The following GALNT17 variants were observed in gnomAD, a reference collection of about 807,000 sequenced individuals.
GALNT17 encodes the protein UDP-GalNAc:polypeptide N-acetylgalactosaminyltransferase-like 3.
GALNT17 carries 29 observed loss-of-function variants against 63.7 expected under a neutral mutation model. That is an observed-to-expected ratio of 0.46 (90% CI 0.34 to 0.62). The LOEUF (loss-of-function observed/expected upper bound fraction) is 0.62. GALNT17 is among the 20% of genes least tolerant of loss of function. The pLI is 0.01. For missense variants in GALNT17, 603 were observed against 799.6 expected (o/e 0.75, Z 2.97); for synonymous variants, 305 against 318.3 (o/e 0.96, Z 0.45).
chr7:71,417,574 T>C (rs74804101), intron 4 of GALNT17, among the ~76,000 whole-genome samples: 6,945 of 152,184 alleles, frequency 0.046, 562 homozygotes, highest in African/African-American at 0.16. Context: ...TGGGCTCCAC[T>C]CAGTCCCCTG....
chr7:71,362,545 A>G (rs914086785), intron 2 of GALNT17, among the ~76,000 whole-genome samples: 2 of 152,192 alleles, frequency 1.3e-5, no homozygotes, highest in Non-Finnish European at 2.9e-5. Context: ...AGATTAACAA[A>G]GAAATTCATT....
In GALNT17 at chr7:71,394,949, A is replaced by G. The variant is rs549105648; in HGVS notation, c.589+6548A>G. On this transcript the variant is annotated intron_variant, in intron 3 of 10. Transcript: ENST00000333538. ...AAACCTTGTCTCTACTAAAAATACAAAAATTAGCTGGGTGTGGTGGCACGT... is the reference window on the plus strand; with the variant it reads ...AAACCTTGTCTCTACTAAAAATACAGAAATTAGCTGGGTGTGGTGGCACGT... Among the ~76,000 whole-genome samples the G allele has an allele frequency of 2.0e-5, 3 of 152,094 alleles. No individual in the cohort carries two copies. In the South Asian group the frequency reaches 6.3e-4, roughly 32 times the overall value.
chr7:71,226,514 C>A (rs1789682766), intron 1 of GALNT17, among the ~76,000 whole-genome samples: 1 of 152,092 alleles, frequency 6.6e-6, no homozygotes, highest in African/African-American at 2.4e-5. Context: ...TTCTTTGAGA[C>A]CGAGTCTTGC....
At chr7:71,636,980 C>G (rs1163089696) in intron 6 of GALNT17, among the ~76,000 whole-genome samples, 1 of 152,060 alleles carries the variant, frequency 6.6e-6, no homozygotes, top group East Asian at 1.9e-4. Flanking sequence ...CCCAGCTCAA[C>G]CTGGGATGGA....
intron 7 of GALNT17, among the ~76,000 whole-genome samples, chr7:71,668,758 C>T (rs1791023520): frequency 6.6e-6 from 1 of 152,028 alleles, no homozygotes; most frequent in Admixed American, 6.6e-5. Context: ...GCTGAGTCTG[C>T]AGAGTCATAT....
At chr7:71,153,371 A>G (rs564451438) in intron 1 of GALNT17, among the ~76,000 whole-genome samples, 1 of 152,186 alleles carries the variant, frequency 6.6e-6, no homozygotes, top group African/African-American at 2.4e-5. Flanking sequence ...GTTACTACCA[A>G]TACTGCTCTT....
intron 1 of GALNT17, among the ~76,000 whole-genome samples, chr7:71,307,353 T>C (rs543286409): frequency 6.6e-5 from 10 of 152,188 alleles, no homozygotes; most frequent in Non-Finnish European, 1.2e-4. Flanking sequence ...TGGTATCTCA[T>C]TGTGGTTTAT....
chr7:71,300,921 A>G (rs1341055379), intron 1 of GALNT17: 1 of 152,870 alleles, frequency 6.5e-6, no homozygotes, highest in African/African-American at 2.4e-5. Context: ...TCGGTAATGT[A>G]TCATCAACCA....
chr7:71,337,291 T>A (rs1401858007), intron 2 of GALNT17, among the ~76,000 whole-genome samples: 1 of 152,192 alleles, frequency 6.6e-6, no homozygotes, highest in Non-Finnish European at 1.5e-5. Flanking sequence ...TTTTCATTAT[T>A]ATATATAACA....
At chr7:71,651,972 G>A (rs879833658) in intron 6 of GALNT17, among the ~76,000 whole-genome samples, 3 of 152,154 alleles carry the variant, frequency 2.0e-5, no homozygotes, top group Non-Finnish European at 4.4e-5. Context: ...AAAGCATTGG[G>A]ATTACAGGCA....
At chr7:71,377,107 T>A (rs71535683) in intron 2 of GALNT17, among the ~76,000 whole-genome samples, 31,040 of 55,130 alleles carry the variant, frequency 0.56, 9,091 homozygotes, top group African/African-American at 0.62. Flanking sequence ...AAAATAAAAA[T>A]AAAAAAAATA....
At chr7:71,219,730 C>T (rs1384543262) in intron 1 of GALNT17, among the ~76,000 whole-genome samples, 2 of 152,176 alleles carry the variant, frequency 1.3e-5, no homozygotes, top group Non-Finnish European at 2.9e-5. Context: ...CTACTCCTTG[C>T]TCCAAGTGTA....
intron 1 of GALNT17, among the ~76,000 whole-genome samples, chr7:71,195,333 A>C (rs1166920382): frequency 6.6e-6 from 1 of 152,078 alleles, no homozygotes; most frequent in Non-Finnish European, 1.5e-5. Context: ...TTTCCGCCTC[A>C]GTCTCCTATA....
chr7:71,711,876 CTG>C, intron 10 of GALNT17, 140 bp from the exon 11 acceptor site: 1 of 881,748 alleles, frequency 1.1e-6, no homozygotes, highest in Non-Finnish European at 1.7e-6. Context: ...GCCTCTTTCT[CTG>C]TCTCTCTCTT....
intron 1 of GALNT17, among the ~76,000 whole-genome samples, chr7:71,225,792 T>C (rs1268073409): frequency 6.6e-6 from 1 of 152,128 alleles, no homozygotes. Flanking sequence ...TAATGGGCAA[T>C]TGATTAAGTA....
chr7:71,400,330 A>G (rs1016522051), intron 3 of GALNT17, among the ~76,000 whole-genome samples: 1 of 151,912 alleles, frequency 6.6e-6, no homozygotes, highest in African/African-American at 2.4e-5. Flanking sequence ...ACATGAGCTC[A>G]TTTTTTTTAT....
At chr7:71,660,957 A>C (rs1210769408) in intron 6 of GALNT17, among the ~76,000 whole-genome samples, 7 of 152,208 alleles carry the variant, frequency 4.6e-5, no homozygotes, top group Non-Finnish European at 8.8e-5. Context: ...CCTCCCTTGC[A>C]CAGCCATGCC....
chr7:71,311,474 A>C (rs1791412928), intron 1 of GALNT17, among the ~76,000 whole-genome samples: 1 of 152,210 alleles, frequency 6.6e-6, no homozygotes, highest in Non-Finnish European at 1.5e-5. Context: ...CTCTACAAAA[A>C]ATAAAAAATA....
At chr7:71,242,912 C>T (rs548803046) in intron 1 of GALNT17, among the ~76,000 whole-genome samples, 2 of 152,338 alleles carry the variant, frequency 1.3e-5, no homozygotes, top group South Asian at 2.1e-4. Context: ...CTTTACCTTT[C>T]TGTGGTTTAC....
Sources: allele counts gnomAD v4.1 joint callset (sites outside exome capture counted in the v4.1 genomes callset), GRCh38; gene constraint gnomAD v4.1.1; transcripts MANE v1.5; gene names NCBI Gene and HGNC (gene_info 2026-07-23, HGNC 2026-07-21).